The following GLI2 variants were observed in gnomAD, a reference collection of about 807,000 sequenced individuals.
The protein encoded by GLI2 is transcription activator GLI2.
Under a neutral mutation model 78.9 loss-of-function variants are expected in GLI2, and 22 were observed. The observed-to-expected ratio is 0.28, with a 90% confidence interval of 0.20 to 0.40. GLI2 has a LOEUF of 0.40. Ranked by LOEUF, GLI2 falls within the 10% of genes least tolerant of loss-of-function variation. The pLI, the probability that GLI2 is intolerant of heterozygous loss-of-function variation, is 1.00. For synonymous variants in GLI2, 974 were observed against 963.7 expected, an observed-to-expected ratio of 1.01 and a Z score of -0.20; for missense variants, 2,097 against 2,213.2, an observed-to-expected ratio of 0.95 and a Z score of 1.05.
chr2:120,807,266 T>C (rs73949907), intron 2 of GLI2, among the ~76,000 whole-genome samples: 3,322 of 152,166 alleles, frequency 0.022, 119 homozygotes, highest in African/African-American at 0.076. Flanking sequence ...CCCTTCTCGG[T>C]TGGGTATCCT....
chr2:120,843,261 C>T (rs536547211), intron 2 of GLI2, among the ~76,000 whole-genome samples: 162 of 152,340 alleles, frequency 1.1e-3, no homozygotes, highest in African/African-American at 3.8e-3. Context: ...TGCCACTTTG[C>T]AGACACCTTT....
chr2:120,859,183 G>A (rs1392814672), intron 2 of GLI2, among the ~76,000 whole-genome samples: 3 of 152,240 alleles, frequency 2.0e-5, no homozygotes, highest in Admixed American at 6.5e-5. Context: ...AAATGTCAGG[G>A]ATGGGAGAGG....
chr2:120,898,881 A>G (rs1678108685), intron 2 of GLI2, among the ~76,000 whole-genome samples: 1 of 152,214 alleles, frequency 6.6e-6, no homozygotes. Flanking sequence ...TATGGAACAA[A>G]TCTGTACATG....
chr2:120,765,011 T>A lies in GLI2; in HGVS notation c.-31+28726T>A, dbSNP rs183446575. ...ATTTGCCCAGCAGAAGTGGCAGAGG[T>A]GGTCATCACTCCTCTTCCTGTATGT... On this transcript the variant is annotated intron_variant, in intron 1 of 13. Transcript: ENST00000361492. Among the ~76,000 whole-genome samples the A allele has an allele frequency of 1.2e-4, 19 of 152,250 alleles. No individual in the cohort carries two copies. The East Asian group carries it at 3.5e-3, about 28-fold the overall frequency.
In GLI2 at chr2:120,863,950, A is replaced by G. The variant is rs79341011; in HGVS notation, c.149-63411A>G. Among the ~76,000 whole-genome samples the G allele has an allele frequency of 6.5e-3, 996 of 152,286 alleles. 11 individuals are homozygous for G. Among genetic ancestry groups the G allele is most frequent in the African/African-American group, 0.023 (936 of 41,546 alleles). On this transcript the variant is annotated intron_variant, in intron 2 of 13. Coordinates refer to ENST00000361492, the MANE Select transcript of GLI2 (RefSeq NM_001374353.1). Reference sequence around the variant, plus strand: ...TGTCTGCTGTGTCTGCGGGCATATTAGGGTCAATGGAAAGGCCAGTTTGGC... The same window carrying G: ...TGTCTGCTGTGTCTGCGGGCATATTGGGGTCAATGGAAAGGCCAGTTTGGC...
chr2:120,884,246 C>T (rs1022254522), intron 2 of GLI2, among the ~76,000 whole-genome samples: 29 of 152,268 alleles, frequency 1.9e-4, no homozygotes, highest in South Asian at 4.1e-4. Flanking sequence ...GTCGTCCGCA[C>T]GGATGGTGGA....
At chr2:120,753,670 G>A (rs1682946490) in intron 1 of GLI2, among the ~76,000 whole-genome samples, 1 of 151,860 alleles carries the variant, frequency 6.6e-6, no homozygotes, top group African/African-American at 2.4e-5. Context: ...AGGCCGAGGC[G>A]GGCGGATCAG....
At chr2:120,962,062 A>G (rs994293823) in intron 5 of GLI2, among the ~76,000 whole-genome samples, 3 of 152,102 alleles carry the variant, frequency 2.0e-5, no homozygotes, top group Non-Finnish European at 4.4e-5. Context: ...AAGTCCACCC[A>G]CAGGTATAGA....
chr2:120,886,087 G>T (rs1007336152), intron 2 of GLI2, among the ~76,000 whole-genome samples: 2 of 152,096 alleles, frequency 1.3e-5, no homozygotes, highest in East Asian at 3.9e-4. Context: ...GTGTGTGTGT[G>T]TGTCTGTGTG....
chr2:120,810,180 C>T (rs894903508), intron 2 of GLI2, among the ~76,000 whole-genome samples: 3 of 152,190 alleles, frequency 2.0e-5, no homozygotes, highest in African/African-American at 7.2e-5. Flanking sequence ...CTTCAGGGGC[C>T]ATTTGGTCCA....
intron 8 of GLI2, 97 bp from the exon 9 acceptor site, chr2:120,974,878 G>A (rs146050362): frequency 1.3e-6 from 2 of 1,581,002 alleles, no homozygotes; most frequent in Non-Finnish European, 1.7e-6. Context: ...AACAGCCCAG[G>A]GTCCTTGGCA....
intron 1 of GLI2, among the ~76,000 whole-genome samples, chr2:120,796,939 A>G (rs1684424310): frequency 6.6e-6 from 1 of 152,002 alleles, no homozygotes; most frequent in South Asian, 2.1e-4. Context: ...TTGTCACTAT[A>G]TTTGTTTTTA....
chr2:120,887,925 T>C (rs1357145830), intron 2 of GLI2, among the ~76,000 whole-genome samples: 2 of 152,204 alleles, frequency 1.3e-5, no homozygotes, highest in Non-Finnish European at 2.9e-5. Flanking sequence ...ACCCCTTTTA[T>C]TGCTCCACTC....
intron 9 of GLI2, among the ~76,000 whole-genome samples, chr2:120,977,273 G>A (rs188018711): frequency 6.6e-6 from 1 of 152,248 alleles, no homozygotes; most frequent in Non-Finnish European, 1.5e-5. Context: ...CATTTCCTAG[G>A]AGTGCATTTA....
intron 8 of GLI2, among the ~76,000 whole-genome samples, chr2:120,973,406 C>T (rs1054646680): frequency 1.3e-5 from 2 of 152,232 alleles, no homozygotes; most frequent in African/African-American, 2.4e-5. Flanking sequence ...CAACCCTGGC[C>T]GGCCATACAG....
Position 120,990,106 on chromosome 2 carries a change from G to A in GLI2, c.4141G>A (p.Ala1381Thr), listed in dbSNP as rs768730033. 6.2e-7 allele frequency: 1 copy of A among 1,601,162 alleles called. No individual in the cohort carries two copies. Among genetic ancestry groups the A allele is most frequent in the Non-Finnish European group, 8.5e-7 (1 of 1,172,264 alleles). ...AVQQQLAYAR[A>T]TGHAMAAMPS... ...GCAGCAGCAGCTGGCCTACGCCAGGGCCACAGGCCATGCCATGGCTGCCAT... is the reference window on the plus strand; with the variant it reads ...GCAGCAGCAGCTGGCCTACGCCAGGACCACAGGCCATGCCATGGCTGCCAT... Residue 1381 changes from alanine (A) to threonine (T), a missense_variant, in exon 14 of 14, where the codon GCC (alanine) becomes ACC (threonine). Ala to Thr is a moderately conservative substitution (Grantham distance 58). Transcript: ENST00000361492.
intron 2 of GLI2, among the ~76,000 whole-genome samples, chr2:120,872,093 A>AGT (rs1254957451): frequency 6.6e-6 from 1 of 152,230 alleles, no homozygotes; most frequent in Non-Finnish European, 1.5e-5. Flanking sequence ...CCAGGTGGTC[A>AGT]GTGGCTGGTG....
intron 2 of GLI2, among the ~76,000 whole-genome samples, chr2:120,828,891 C>T (rs1414643602): frequency 1.3e-5 from 2 of 148,196 alleles, no homozygotes; most frequent in Non-Finnish European, 3.0e-5. Context: ...CATCCACAGC[C>T]ACTATTCCTC....
intron 2 of GLI2, among the ~76,000 whole-genome samples, chr2:120,892,727 C>T (rs1283055231): frequency 1.3e-5 from 2 of 152,212 alleles, no homozygotes; most frequent in African/African-American, 4.8e-5. Context: ...AGCTCCCTCA[C>T]CCCTCAGCTG....
Sources: allele counts gnomAD v4.1 joint callset (sites outside exome capture counted in the v4.1 genomes callset), GRCh38; gene constraint gnomAD v4.1.1; transcripts MANE v1.5; gene names NCBI Gene and HGNC (gene_info 2026-07-23, HGNC 2026-07-21).